Variants in SH2D4B observed in about 807,000 individuals in gnomAD.
SH2D4B encodes SH2 domain-containing protein 4B.
Under a neutral mutation model 61.5 loss-of-function variants are expected in SH2D4B, and 45 were observed. The observed-to-expected ratio is 0.73, with a 90% CI of 0.58 to 0.94. SH2D4B has a LOEUF of 0.94. Among genes scored for constraint, SH2D4B ranks in the 40% least tolerant of loss-of-function variants. The pLI, the probability that SH2D4B is intolerant of heterozygous loss-of-function variation, is 0.00. For missense variants in SH2D4B, 572 were observed against 574.2 expected (o/e 1.00, Z 0.04); for synonymous variants, 224 against 220.4 (o/e 1.02, Z -0.14).
At chr10:80,595,478 T>C (rs1221314367) in intron 4 of SH2D4B, among the ~76,000 whole-genome samples, 2 of 152,218 alleles carry the variant, frequency 1.3e-5, no homozygotes, top group Non-Finnish European at 2.9e-5. Flanking sequence ...CCTGGTCCCC[T>C]GAATCTTCCC....
intron 6 of SH2D4B, among the ~76,000 whole-genome samples, chr10:80,619,904 A>G (rs1842699573): frequency 6.6e-6 from 1 of 152,210 alleles, no homozygotes; most frequent in South Asian, 2.1e-4. Flanking sequence ...TCCGTTTTGC[A>G]GATGTTTGCA....
chr10:80,614,889 C>T (rs879905643), intron 6 of SH2D4B, among the ~76,000 whole-genome samples: 3 of 152,248 alleles, frequency 2.0e-5, no homozygotes, highest in Non-Finnish European at 4.4e-5. Flanking sequence ...TCACCTTGCT[C>T]ATTTCTCCGT....
At chr10:80,627,156 G>C (rs1299438033) in intron 6 of SH2D4B, among the ~76,000 whole-genome samples, 1 of 152,162 alleles carries the variant, frequency 6.6e-6, no homozygotes, top group Non-Finnish European at 1.5e-5. Context: ...CAGAGAGCCA[G>C]ATATCAATGG....
At chr10:80,616,585 G>T (rs916771244) in intron 6 of SH2D4B, among the ~76,000 whole-genome samples, 2 of 119,040 alleles carry the variant, frequency 1.7e-5, no homozygotes, top group Non-Finnish European at 3.3e-5. Context: ...TCCAAGCCTC[G>T]CATCCTGTAT....
intron 6 of SH2D4B, among the ~76,000 whole-genome samples, chr10:80,612,609 TTC>T (rs1460575999): frequency 6.6e-6 from 1 of 152,318 alleles, no homozygotes; most frequent in East Asian, 1.9e-4. Flanking sequence ...GGAAAATATA[TTC>T]TGTCTTTTTC....
chr10:80,579,998 A>T (rs1326393223), intron 3 of SH2D4B, among the ~76,000 whole-genome samples: 1 of 152,196 alleles, frequency 6.6e-6, no homozygotes, highest in Non-Finnish European at 1.5e-5. Context: ...GGAGCACCTG[A>T]TATCTGCTAT....
intron 4 of SH2D4B, among the ~76,000 whole-genome samples, chr10:80,601,343 T>A (rs1842450364): frequency 6.6e-6 from 1 of 152,228 alleles, no homozygotes; most frequent in African/African-American, 2.4e-5. Context: ...GTCTCTTTTT[T>A]AAATGATGCT....
intron 3 of SH2D4B, among the ~76,000 whole-genome samples, chr10:80,582,439 A>G (rs1041954807): frequency 3.9e-5 from 6 of 152,198 alleles, no homozygotes; most frequent in Non-Finnish European, 8.8e-5. Flanking sequence ...ATCCTCTGCT[A>G]AAAATACTGT....
At chr10:80,586,763 C>T (rs995752769) in intron 3 of SH2D4B, among the ~76,000 whole-genome samples, 1 of 152,180 alleles carries the variant, frequency 6.6e-6, no homozygotes, top group Non-Finnish European at 1.5e-5. Context: ...TGTTTTTTCA[C>T]TCTTTACAAT....
intron 6 of SH2D4B, among the ~76,000 whole-genome samples, chr10:80,614,453 C>T (rs191822402): frequency 2.5e-3 from 375 of 152,344 alleles, no homozygotes; most frequent in Non-Finnish European, 4.3e-3. Context: ...CACCTCTCAC[C>T]AGGCCCTACT....
rs555196075 is a variant in SH2D4B, at chr10:80,562,904, T to C, written c.185-7250T>C. ...TGCTGAACATTTTTTCTTTTTTTTT[T>C]TTTTTTTTTTTTTTTGAGACGGAGT... On this transcript the variant is annotated intron_variant, in intron 1 of 7. Transcript: ENST00000646907. 2.8e-3 allele frequency among the ~76,000 whole-genome samples: 381 copies of C among 134,162 alleles called. 3 individuals carry two copies. The highest frequency in any genetic ancestry group is 0.01 in the African/African-American group (356 of 34,488). The allele number at this position is 134,162 out of a possible 152,430, so 88.0% of individuals were successfully genotyped here. A position where few individuals can be genotyped will look rare whatever the true frequency, so the allele number is the denominator to read the frequency against.
intron 1 of SH2D4B, among the ~76,000 whole-genome samples, chr10:80,547,574 A>G (rs1841699058): frequency 6.6e-6 from 1 of 151,930 alleles, no homozygotes; most frequent in South Asian, 2.1e-4. Context: ...AGCGGGAGGG[A>G]GGGGTTAGGG....
chr10:80,619,855 C>T (rs1282475885), intron 6 of SH2D4B, among the ~76,000 whole-genome samples: 1 of 152,176 alleles, frequency 6.6e-6, no homozygotes, highest in East Asian at 1.9e-4. Context: ...ATGGATCTAC[C>T]CAAACTGAAA....
rs1589355988 is a variant in SH2D4B at position 80,609,320 on chromosome 10, T to A, written c.861-104T>A. On this transcript the variant is annotated intron_variant, in intron 5 of 7. Transcript: ENST00000646907. ...TCCACCCCCCCTTCCTCCTCCTCCTTTTACCTTCCTCTCCCTTCCTCTTTC... is the reference window on the plus strand; with the variant it reads ...TCCACCCCCCCTTCCTCCTCCTCCTATTACCTTCCTCTCCCTTCCTCTTTC... The A allele has an allele frequency of 4.2e-6, 4 of 963,244 alleles. No homozygotes were observed. In the East Asian group the frequency reaches 1.9e-4, roughly 46 times the overall value. 59.7% of individuals were successfully genotyped at this position (963,244 alleles called of 1,614,324 possible). A position where few individuals can be genotyped will look rare whatever the true frequency, so the allele number is the denominator to read the frequency against.
At chr10:80,612,174 C>A (rs76120037) in intron 6 of SH2D4B, among the ~76,000 whole-genome samples, 5 of 135,086 alleles carry the variant, frequency 3.7e-5, no homozygotes, top group African/African-American at 6.0e-5. Flanking sequence ...GGACCTCCCC[C>A]ACTCCTGCTT....
chr10:80,587,154 T>TTTTTTTTTTTTTTTTTTG (rs1842267385), intron 3 of SH2D4B, among the ~76,000 whole-genome samples: 1 of 99,438 alleles, frequency 1.0e-5, no homozygotes, highest in Non-Finnish European at 1.9e-5. Context: ...TTGTTTTGTT[T>TTTTTTTTTTTTTTTTTTG]TTTTTTTTTT....
chr10:80,540,945 G>T, intron 1 of SH2D4B: 1 of 1,511,586 alleles, frequency 6.6e-7, no homozygotes. Flanking sequence ...TGAGACCCCA[G>T]CCCCAGTTGA....
At chr10:80,611,335 T>A (rs190190067) in intron 6 of SH2D4B, among the ~76,000 whole-genome samples, 34 of 152,306 alleles carry the variant, frequency 2.2e-4, no homozygotes, top group African/African-American at 7.9e-4. Context: ...GTGGCGTCCA[T>A]GGTACAGTGG....
intron 3 of SH2D4B, among the ~76,000 whole-genome samples, chr10:80,577,569 G>A (rs1842140443): frequency 1.3e-5 from 2 of 152,038 alleles, no homozygotes; most frequent in African/African-American, 4.8e-5. Context: ...TGGGACTACA[G>A]GTGCCTGCCA....
Sources: allele counts gnomAD v4.1 joint callset (sites outside exome capture counted in the v4.1 genomes callset), GRCh38; gene constraint gnomAD v4.1.1; transcripts MANE v1.5; gene names NCBI Gene and HGNC (gene_info 2026-07-23, HGNC 2026-07-21).